KLHDC1: variants seen among roughly 807,000 people sequenced by gnomAD.
The protein encoded by KLHDC1 is kelch domain-containing protein 1.
A neutral mutation model predicts 68.3 loss-of-function variants in KLHDC1; 53 were observed. That is an observed-to-expected ratio of 0.78 (90% CI 0.62 to 0.98). The LOEUF (loss-of-function observed/expected upper bound fraction) is 0.98, where lower values mean the gene tolerates loss of function less well. KLHDC1 is among the 50% of genes least tolerant of loss of function. The pLI, the probability that KLHDC1 is intolerant of heterozygous loss-of-function variation, is 0.00. For synonymous variants in KLHDC1, 148 were observed against 159.0 expected (o/e 0.93, Z 0.52); for missense variants, 470 against 492.3 (o/e 0.95, Z 0.43).
At chr14:49,742,303 T>C (rs1889082855) in intron 11 of KLHDC1, among the ~76,000 whole-genome samples, 1 of 152,228 alleles carries the variant, frequency 6.6e-6, no homozygotes, top group African/African-American at 2.4e-5. Context: ...CTGTGACTTT[T>C]CTACCACATT....
At chr14:49,720,858 G>A (rs769734097) in intron 4 of KLHDC1, among the ~76,000 whole-genome samples, 2 of 152,038 alleles carry the variant, frequency 1.3e-5, no homozygotes, top group African/African-American at 2.4e-5. Context: ...CAAGTTTGCT[G>A]TTAATTACCA....
At chr14:49,707,508 C>T (rs574697764) in intron 1 of KLHDC1, among the ~76,000 whole-genome samples, 2 of 150,996 alleles carry the variant, frequency 1.3e-5, no homozygotes, top group Non-Finnish European at 3.0e-5. Flanking sequence ...CCACCACGCC[C>T]AGCTAATTTT....
chr14:49,728,081 G>T (rs578008041), intron 6 of KLHDC1, among the ~76,000 whole-genome samples: 3 of 152,262 alleles, frequency 2.0e-5, no homozygotes, highest in African/African-American at 7.2e-5. Context: ...CAGCACTTTG[G>T]GAGGTTGAGG....
At chr14:49,733,233 T>C (rs1409100765) in intron 9 of KLHDC1, among the ~76,000 whole-genome samples, 1 of 152,118 alleles carries the variant, frequency 6.6e-6, no homozygotes, top group South Asian at 2.1e-4. Flanking sequence ...TTGCTTCTCT[T>C]TTTGTTCCAG....
chr14:49,714,825 A>T (rs1888326933), intron 4 of KLHDC1, among the ~76,000 whole-genome samples: 1 of 140,684 alleles, frequency 7.1e-6, no homozygotes, highest in Non-Finnish European at 1.5e-5. Context: ...TTTAGCATAT[A>T]CTTAACACAT....
At chr14:49,696,652 A>T (rs1483812976) in intron 1 of KLHDC1, among the ~76,000 whole-genome samples, 1 of 152,194 alleles carries the variant, frequency 6.6e-6, no homozygotes, top group Non-Finnish European at 1.5e-5. Flanking sequence ...ATGATCTTGT[A>T]TCCAGACCAC....
chr14:49,744,433 C>T (rs1376060467), intron 12 of KLHDC1, among the ~76,000 whole-genome samples: 1 of 151,948 alleles, frequency 6.6e-6, no homozygotes, highest in African/African-American at 2.4e-5. Flanking sequence ...ACATTTTTCA[C>T]ATTTTAACTT....
chr14:49,722,114 C>T (rs1888541604), intron 4 of KLHDC1, among the ~76,000 whole-genome samples: 1 of 152,184 alleles, frequency 6.6e-6, no homozygotes, highest in African/African-American at 2.4e-5. Flanking sequence ...CCGTCTATGG[C>T]TGGGTTTCCT....
intron 9 of KLHDC1, among the ~76,000 whole-genome samples, chr14:49,733,584 C>T (rs183866634): frequency 1.3e-5 from 2 of 151,962 alleles, no homozygotes; most frequent in Non-Finnish European, 2.9e-5. Flanking sequence ...CCCACCACCA[C>T]GCTCAGCTAA....
chr14:49,709,966 G>C, intron 3 of KLHDC1, 140 bp downstream of exon 3: 1 of 534,586 alleles, frequency 1.9e-6, no homozygotes, highest in Middle Eastern at 5.0e-4. Flanking sequence ...AAGCTGGGTT[G>C]AAAATGCAGC....
intron 1 of KLHDC1, chr14:49,700,056 T>TCTCG (rs1217458585): frequency 1.8e-4 from 61 of 343,662 alleles, no homozygotes; most frequent in African/African-American, 1.4e-3. Context: ...TTAGATGGAG[T>TCTCG]CTCGCTCTTG....
At chr14:49,696,214 C>T (rs1050517768) in intron 1 of KLHDC1, among the ~76,000 whole-genome samples, 7 of 150,476 alleles carry the variant, frequency 4.7e-5, no homozygotes, top group Non-Finnish European at 7.4e-5. Context: ...CAGAGTTGCC[C>T]AGGCTGTGGT....
rs554722743 is a variant in KLHDC1 at position 49,698,172 on chromosome 14, A to G, written c.96+4882A>G. ...TTCACTTAAAACAGCAATCTGTAAT[A>G]TATCTGTATAGATTTCTTTTGAGCC... On this transcript the variant is annotated intron_variant, in intron 1 of 12. Coordinates refer to ENST00000359332, the MANE Select transcript of KLHDC1 (RefSeq NM_172193.3). Among the ~76,000 whole-genome samples the G allele has an allele frequency of 3.3e-5, 5 of 152,326 alleles. No homozygotes were observed. The East Asian group carries it at 9.6e-4, about 29-fold the overall frequency.
At chr14:49,742,107 A>G (rs1235909179) in intron 11 of KLHDC1, among the ~76,000 whole-genome samples, 1 of 152,232 alleles carries the variant, frequency 6.6e-6, no homozygotes, top group East Asian at 1.9e-4. Flanking sequence ...GTGCTTCACT[A>G]AAAGATTAAA....
chr14:49,699,615 T>G (rs1887844306), intron 1 of KLHDC1, among the ~76,000 whole-genome samples: 1 of 152,182 alleles, frequency 6.6e-6, no homozygotes, highest in South Asian at 2.1e-4. Context: ...TCCTCTTCAT[T>G]GATACAAACA....
chr14:49,740,292 T>C, intron 11 of KLHDC1, 110 bp downstream of exon 11: 1 of 629,752 alleles, frequency 1.6e-6, no homozygotes, highest in East Asian at 2.9e-5. Flanking sequence ...ATGAAGGGCC[T>C]GAAATGTTAC....
chr14:49,695,652 C>T (rs1349493997), intron 1 of KLHDC1, among the ~76,000 whole-genome samples: 1 of 152,212 alleles, frequency 6.6e-6, no homozygotes, highest in Admixed American at 6.5e-5. Flanking sequence ...ACAGCTACTA[C>T]ATTAGCCACT....
At chr14:49,717,289 T>C (rs1888404024) in intron 4 of KLHDC1, among the ~76,000 whole-genome samples, 1 of 152,206 alleles carries the variant, frequency 6.6e-6, no homozygotes, top group Non-Finnish European at 1.5e-5. Context: ...AACCACCAAC[T>C]ATTTTCCATA....
intron 12 of KLHDC1, among the ~76,000 whole-genome samples, chr14:49,749,510 G>A (rs541773675): frequency 3.3e-5 from 5 of 150,972 alleles, no homozygotes; most frequent in South Asian, 2.1e-4. Context: ...ACCATGTCTC[G>A]ACTAAAAATA....
Sources: gnomAD v4.1 joint callset for allele counts (sites outside exome capture counted in the v4.1 genomes callset) on GRCh38, gnomAD v4.1.1 for gene constraint, MANE v1.5 for transcripts, NCBI Gene and HGNC (gene_info 2026-07-23, HGNC 2026-07-21) for gene names.